Variants in SHCBP1L observed in about 807,000 individuals in gnomAD.
SHCBP1L encodes testicular spindle-associated protein SHCBP1L.
SHCBP1L carries 67 observed loss-of-function variants against 62.5 expected under a neutral mutation model. The observed-to-expected ratio is 1.07, with a 90% CI of 0.88 to 1.31. SHCBP1L has a LOEUF of 1.31. SHCBP1L is among the 40% of genes most tolerant of loss of function. The probability of loss-of-function intolerance (pLI) is 0.00; values close to 1 mark genes in which losing one functional copy is unlikely to be tolerated. For missense variants in SHCBP1L, 823 were observed against 809.8 expected, an observed-to-expected ratio of 1.02 and a Z score of -0.20; for synonymous variants, 284 against 289.4, an observed-to-expected ratio of 0.98 and a Z score of 0.19.
intron 2 of SHCBP1L, chr1:182,944,390 G>A (rs1406587279): frequency 6.6e-6 from 1 of 152,274 alleles, no homozygotes; most frequent in African/African-American, 2.4e-5. Flanking sequence ...GAGTGACAGA[G>A]CGAGACTCCA....
At chr1:182,920,345 A>G (rs1650490906) in intron 6 of SHCBP1L, among the ~76,000 whole-genome samples, 2 of 152,164 alleles carry the variant, frequency 1.3e-5, no homozygotes, top group East Asian at 3.9e-4. Flanking sequence ...TCTTCCAGAA[A>G]TGAAGCCAGT....
intron 2 of SHCBP1L, among the ~76,000 whole-genome samples, chr1:182,941,169 AC>A (rs1651350034): frequency 6.6e-6 from 1 of 151,716 alleles, no homozygotes; most frequent in African/African-American, 2.4e-5. Context: ...TAACAAAAAA[AC>A]AAAAACAAAC....
intron 5 of SHCBP1L, among the ~76,000 whole-genome samples, chr1:182,930,996 G>C (rs561836339): frequency 3.2e-4 from 49 of 150,780 alleles, no homozygotes; most frequent in African/African-American, 1.1e-3. Flanking sequence ...CAAGTGCTAG[G>C]ATTACAGGCA....
intron 3 of SHCBP1L, among the ~76,000 whole-genome samples, chr1:182,939,964 T>C (rs937471661): frequency 6.6e-6 from 1 of 152,184 alleles, no homozygotes; most frequent in Admixed American, 6.5e-5. Flanking sequence ...ATAATGTGAA[T>C]GATGATATCT....
At chr1:182,915,437 A>G (rs1471109601) in intron 6 of SHCBP1L, among the ~76,000 whole-genome samples, 2 of 152,196 alleles carry the variant, frequency 1.3e-5, no homozygotes, top group Non-Finnish European at 2.9e-5. Context: ...CTCAAAATGT[A>G]TGAAGTAAAA....
chr1:182,919,418 A>G (rs967706667), intron 6 of SHCBP1L, among the ~76,000 whole-genome samples: 3 of 152,176 alleles, frequency 2.0e-5, no homozygotes, highest in African/African-American at 7.2e-5. Context: ...ATTCCTTTTT[A>G]TAGGGGCATT....
At chr1:182,904,735 A>G (rs537709942) in intron 7 of SHCBP1L, among the ~76,000 whole-genome samples, 5 of 151,368 alleles carry the variant, frequency 3.3e-5, no homozygotes, top group African/African-American at 1.2e-4. Context: ...AATAATATAT[A>G]GTACATACAT....
rs1345110129 is a variant in SHCBP1L at position 182,900,040 on chromosome 1, C to A, written c.1905G>T (p.Met635Ile). ...CGTTTGCTTCTATCTTATTATTATT[C>A]ATTTCCAGATTCAGATTTTGCATTA... is the stretch of plus-strand genomic sequence containing the variant. ...FKVMQNLNLE[M>I]NNNKIEANVK... The change falls in exon 10 of 10, where the codon ATG becomes ATT. Residue 635 changes from methionine to isoleucine, a missense_variant. Coordinates refer to ENST00000367547, the MANE Select transcript of SHCBP1L (RefSeq NM_030933.4). 7 of 1,613,210 alleles carry A rather than the reference C, an allele frequency of 4.3e-6. No homozygotes were observed. The Admixed American group carries it at 5.0e-5, about 12-fold the overall frequency.
At chr1:182,946,577 A>G (rs1303688173) in intron 2 of SHCBP1L, among the ~76,000 whole-genome samples, 1 of 151,370 alleles carries the variant, frequency 6.6e-6, no homozygotes, top group Non-Finnish European at 1.5e-5. Context: ...CAATGGGAGT[A>G]CTCCCACCCT....
At chr1:182,938,232 C>T (rs1021526739) in intron 5 of SHCBP1L, among the ~76,000 whole-genome samples, 45 of 152,024 alleles carry the variant, frequency 3.0e-4, no homozygotes, top group Admixed American at 1.7e-3. Flanking sequence ...CTCAGCCTCC[C>T]GAGTAGCTGG....
chr1:182,937,410 G>A (rs1312891590), intron 5 of SHCBP1L, among the ~76,000 whole-genome samples: 1 of 152,134 alleles, frequency 6.6e-6, no homozygotes, highest in African/African-American at 2.4e-5. Context: ...AGTAGGTAAT[G>A]TGGGTTTTTT....
chr1:182,945,032 G>GC (rs1651515067), intron 2 of SHCBP1L, among the ~76,000 whole-genome samples: 1 of 146,156 alleles, frequency 6.8e-6, no homozygotes, highest in Non-Finnish European at 1.5e-5. Flanking sequence ...GTGATCTCGG[G>GC]CTCACTGCAA....
At chr1:182,904,051 C>T in intron 8 of SHCBP1L, 129 bp downstream of exon 8, 2 of 1,125,912 alleles carry the variant, frequency 1.8e-6, no homozygotes, top group South Asian at 3.2e-5. Flanking sequence ...TTGATGTCTA[C>T]CAGTTACTAA....
At chr1:182,933,410 C>T (rs1475791035) in intron 5 of SHCBP1L, among the ~76,000 whole-genome samples, 3 of 152,084 alleles carry the variant, frequency 2.0e-5, no homozygotes, top group Non-Finnish European at 4.4e-5. Context: ...TTATCATGCT[C>T]CTGATTGTAG....
chr1:182,950,728 T>G (rs1268608837), intron 2 of SHCBP1L: 4 of 150,890 alleles, frequency 2.7e-5, no homozygotes, highest in African/African-American at 9.7e-5. Context: ...GATAAAGGCT[T>G]GGAAGATATT....
At chr1:182,938,056 C>A (rs186515783) in intron 5 of SHCBP1L, among the ~76,000 whole-genome samples, 1 of 152,118 alleles carries the variant, frequency 6.6e-6, no homozygotes, top group East Asian at 1.9e-4. Flanking sequence ...GTGTCAGAAG[C>A]TTCAAATTCC....
chr1:182,952,438 A>C, intron 1 of SHCBP1L: 345 of 298,696 alleles, frequency 1.2e-3, no homozygotes, highest in Middle Eastern at 2.8e-3. Flanking sequence ...GTGCAATGAT[A>C]AGGCCAATAT....
chr1:182,916,053 C>G (rs540597121), intron 6 of SHCBP1L, among the ~76,000 whole-genome samples: 9 of 152,142 alleles, frequency 5.9e-5, no homozygotes, highest in Admixed American at 2.6e-4. Flanking sequence ...TGATCCGCCC[C>G]TCTCGGCCTC....
intron 1 of SHCBP1L, 62 bp downstream of exon 1, chr1:182,952,667 A>G (rs1651817596): frequency 2.6e-6 from 4 of 1,521,396 alleles, no homozygotes; most frequent in African/African-American, 2.8e-5. Flanking sequence ...GAAGCCCCAG[A>G]TGCCTGTCCC....
Sources: allele counts gnomAD v4.1 joint callset (sites outside exome capture counted in the v4.1 genomes callset), GRCh38; gene constraint gnomAD v4.1.1; transcripts MANE v1.5; gene names NCBI Gene and HGNC (gene_info 2026-07-23, HGNC 2026-07-21).